SLC35F3: variants seen among roughly 807,000 people sequenced by gnomAD.
SLC35F3 encodes the protein putative thiamine transporter SLC35F3.
In SLC35F3, 25 loss-of-function variants were observed where a neutral mutation model predicts 49.9. The ratio of observed to expected loss-of-function variants is 0.50; its 90% confidence interval spans 0.37 to 0.70. The LOEUF (loss-of-function observed/expected upper bound fraction) is 0.70. Ranked by LOEUF, SLC35F3 falls within the 30% of genes least tolerant of loss-of-function variation. The pLI is 0.00. For missense variants in SLC35F3, 525 were observed against 639.8 expected, an observed-to-expected ratio of 0.82 and a Z score of 1.94; for synonymous variants, 275 against 265.4, an observed-to-expected ratio of 1.04 and a Z score of -0.35.
chr1:234,248,559 G>A (rs946937119), intron 3 of SLC35F3, among the ~76,000 whole-genome samples: 2 of 152,252 alleles, frequency 1.3e-5, no homozygotes, highest in Non-Finnish European at 2.9e-5. Context: ...TGGTTGGCTG[G>A]TTCATTTTTG....
At chr1:234,032,728 T>G (rs1664082525) in intron 2 of SLC35F3, among the ~76,000 whole-genome samples, 2 of 152,232 alleles carry the variant, frequency 1.3e-5, no homozygotes, top group Non-Finnish European at 2.9e-5. Context: ...TGGTGGAATA[T>G]TCCATGGTAT....
At chr1:234,175,619 C>T (rs1040875703) in intron 2 of SLC35F3, among the ~76,000 whole-genome samples, 3 of 145,332 alleles carry the variant, frequency 2.1e-5, no homozygotes, top group African/African-American at 5.1e-5. Context: ...GCTGTGATTG[C>T]ACCACTGCAC....
Position 234,320,755 on chromosome 1 carries a change from C to G in SLC35F3, c.1237+568C>G, listed in dbSNP as rs1008015510. Among the ~76,000 whole-genome samples, 1 of 152,146 alleles carries G rather than the reference C, an allele frequency of 6.6e-6. No homozygotes were observed. On this transcript the variant is annotated intron_variant, in intron 7 of 7. Coordinates refer to ENST00000366618, the MANE Select transcript of SLC35F3 (RefSeq NM_173508.4). The surrounding 1 kb of genome is among the most constrained non-coding windows in gnomAD (Gnocchi z 4.8). ...GGAACTCGGGACTGCCCTTTGTTTT[C>G]CCCTGGGGACTCGTTGCCAAGGCAC...
At chr1:234,266,876 T>TG (rs1297929355) in intron 3 of SLC35F3, among the ~76,000 whole-genome samples, 3 of 146,364 alleles carry the variant, frequency 2.0e-5, no homozygotes, top group East Asian at 2.0e-4. Flanking sequence ...GCACATGGTT[T>TG]TTTTTTTTTT....
At chr1:234,096,342 G>T (rs1665117459) in intron 2 of SLC35F3, among the ~76,000 whole-genome samples, 1 of 152,184 alleles carries the variant, frequency 6.6e-6, no homozygotes, top group Non-Finnish European at 1.5e-5. Context: ...GGCTACACAG[G>T]AAGGATCAGT....
intron 3 of SLC35F3, among the ~76,000 whole-genome samples, chr1:234,298,661 G>A (rs1245468021): frequency 2.1e-5 from 3 of 145,382 alleles, no homozygotes; most frequent in Admixed American, 2.0e-4. Context: ...CTCTAGATTG[G>A]GGCCCAGGAA....
At chr1:234,096,939 G>A (rs1572050433) in intron 2 of SLC35F3, among the ~76,000 whole-genome samples, 1 of 150,050 alleles carries the variant, frequency 6.7e-6, no homozygotes, top group African/African-American at 2.5e-5. Flanking sequence ...GCCCAGGCTG[G>A]AGTGCAATGG....
At chr1:233,983,149 A>G (rs1026185932) in intron 2 of SLC35F3, among the ~76,000 whole-genome samples, 2 of 152,140 alleles carry the variant, frequency 1.3e-5, no homozygotes, top group African/African-American at 2.4e-5. Context: ...CTTTGTATTC[A>G]TCTTTGAGAT....
At chr1:234,205,339 C>A (rs767730907) in intron 2 of SLC35F3, among the ~76,000 whole-genome samples, 1 of 152,176 alleles carries the variant, frequency 6.6e-6, no homozygotes, top group South Asian at 2.1e-4. Context: ...TGGCTTCTTT[C>A]GGTGAGGTGG....
chr1:233,924,229 C>T (rs1662118257), intron 2 of SLC35F3, among the ~76,000 whole-genome samples: 1 of 152,172 alleles, frequency 6.6e-6, no homozygotes, highest in Non-Finnish European at 1.5e-5. Context: ...GTAACAGCTC[C>T]TCTTTGTACC....
intron 2 of SLC35F3, among the ~76,000 whole-genome samples, chr1:234,069,107 T>C (rs1664672801): frequency 7.8e-6 from 1 of 128,002 alleles, no homozygotes; most frequent in Non-Finnish European, 1.6e-5. Context: ...TATTATAATA[T>C]ATTGTATATT....
Position 234,243,792 on chromosome 1 carries a change from G to A in SLC35F3, c.608+12051G>A, listed in dbSNP as rs1227519987. Among the ~76,000 whole-genome samples the A allele has an allele frequency of 4.6e-5, 7 of 152,316 alleles. No individual in the cohort carries two copies. The East Asian group carries it at 1.3e-3, about 29-fold the overall frequency. On this transcript the variant is annotated intron_variant, in intron 3 of 7. Coordinates refer to ENST00000366618, the MANE Select transcript of SLC35F3 (RefSeq NM_173508.4). ...ACAGTGCAGGGTTGCTGCAGGGAGG[G>A]CTGTGCAGCCAGAGACTACTACATC...
chr1:234,252,589 G>C (rs1274589022), intron 3 of SLC35F3, among the ~76,000 whole-genome samples: 1 of 152,118 alleles, frequency 6.6e-6, no homozygotes, highest in African/African-American at 2.4e-5. Flanking sequence ...GCATAGGAAA[G>C]GACATTGAAA....
intron 3 of SLC35F3, among the ~76,000 whole-genome samples, chr1:234,239,662 C>G (rs868377910): frequency 5.9e-5 from 9 of 152,246 alleles, no homozygotes; most frequent in African/African-American, 2.2e-4. Flanking sequence ...TCAGCGCTAT[C>G]TGTCCTTATA....
chr1:233,986,146 A>G (rs1663263174), intron 2 of SLC35F3, among the ~76,000 whole-genome samples: 1 of 152,212 alleles, frequency 6.6e-6, no homozygotes, highest in Non-Finnish European at 1.5e-5. Flanking sequence ...CAAACACAAT[A>G]TATATGCAGT....
chr1:234,143,028 C>T (rs188728531), intron 2 of SLC35F3, among the ~76,000 whole-genome samples: 18 of 152,280 alleles, frequency 1.2e-4, no homozygotes, highest in Admixed American at 1.2e-3. Context: ...CGTCACCTCA[C>T]TCAGTTACCT....
intron 2 of SLC35F3, among the ~76,000 whole-genome samples, chr1:233,939,324 A>G (rs4920182): frequency 0.31 from 47,394 of 151,964 alleles, 7,993 homozygotes; most frequent in Admixed American, 0.47. Flanking sequence ...GTATGGAAGC[A>G]TGTGCCTGTA....
At chr1:234,240,669 G>A (rs928082717) in intron 3 of SLC35F3, among the ~76,000 whole-genome samples, 5 of 152,064 alleles carry the variant, frequency 3.3e-5, no homozygotes, top group Non-Finnish European at 7.4e-5. Flanking sequence ...GTCCTAAAAT[G>A]ATGATGATGA....
At chr1:234,176,356 T>C (rs1322407513) in intron 2 of SLC35F3, among the ~76,000 whole-genome samples, 1 of 152,168 alleles carries the variant, frequency 6.6e-6, no homozygotes, top group African/African-American at 2.4e-5. Flanking sequence ...CATCTGTTCA[T>C]AGAGTGGAAA....
Sources: gnomAD v4.1 joint callset for allele counts (sites outside exome capture counted in the v4.1 genomes callset) on GRCh38, gnomAD v4.1.1 for gene constraint, Gnocchi (gnomAD v3.1) non-coding constraint, MANE v1.5 for transcripts, NCBI Gene and HGNC (gene_info 2026-07-23, HGNC 2026-07-21) for gene names.